MTUS2: variants seen among roughly 807,000 people sequenced by gnomAD.
The protein encoded by MTUS2 is microtubule associated scaffold protein 2.
A neutral mutation model predicts 114.1 loss-of-function variants in MTUS2; 40 were observed. That is an observed-to-expected ratio of 0.35 (90% CI 0.27 to 0.46). The LOEUF is 0.46. Ranked by LOEUF, MTUS2 falls within the 20% of genes least tolerant of loss-of-function variation. The pLI, the probability that MTUS2 is intolerant of heterozygous loss-of-function variation, is 1.00. For missense variants in MTUS2, 1,679 were observed against 1,705.4 expected (o/e 0.98, Z 0.27); for synonymous variants, 688 against 672.0 (o/e 1.02, Z -0.37).
intron 2 of MTUS2, among the ~76,000 whole-genome samples, chr13:28,933,221 G>A (rs1881716479): frequency 6.6e-6 from 1 of 151,990 alleles, no homozygotes; most frequent in Non-Finnish European, 1.5e-5. Context: ...GATTGTGAGG[G>A]CTGGCAAGTC....
chr13:29,034,821 A>G (rs1244135230), intron 4 of MTUS2, among the ~76,000 whole-genome samples: 4 of 152,232 alleles, frequency 2.6e-5, no homozygotes, highest in African/African-American at 9.6e-5. Flanking sequence ...TCCTTCACCA[A>G]GCTACCATTG....
intron 9 of MTUS2, among the ~76,000 whole-genome samples, chr13:29,473,835 T>C (rs751951143): frequency 2.0e-5 from 3 of 146,848 alleles, no homozygotes; most frequent in Admixed American, 1.4e-4. Context: ...TGCCTTTCAC[T>C]CTAAAGGATT....
At position 29,100,811 on chromosome 13, in the gene MTUS2, T is replaced by C. The variant is rs867066689; in HGVS notation, c.2485T>C (p.Ser829Pro). Residue 829 changes from serine to proline, a missense_variant, in exon 5 of 16, where the codon TCC (serine) becomes CCC (proline). Around this residue, in one of 3 missense-constraint regions of MTUS2, gnomAD observed 822 missense variants for 899.7 expected, o/e 0.91. Transcript: ENST00000612955. The stretch of plus-strand genomic sequence containing the variant: ...AGCTTCCAGTTCAAATGCTGCAAAA[T>C]CCAATCTCCCGAAATCTGGTCTCCG... ...KKASSSNAAK[S>P]NLPKSGLRPP... 1.5e-5 allele frequency: 23 copies of C among 1,551,658 alleles called. 3 individuals carry two copies. In the Admixed American group the frequency reaches 3.1e-4, roughly 21 times the overall value.
chr13:29,231,219 CATGTT>C (rs1372008994), intron 5 of MTUS2, among the ~76,000 whole-genome samples: 4 of 152,106 alleles, frequency 2.6e-5, no homozygotes, highest in African/African-American at 9.7e-5. Flanking sequence ...ATAATATAAA[CATGTT>C]ATGTTTTATA....
intron 5 of MTUS2, among the ~76,000 whole-genome samples, chr13:29,129,026 T>C (rs1372205936): frequency 2.0e-5 from 3 of 152,214 alleles, no homozygotes; most frequent in Non-Finnish European, 2.9e-5. Flanking sequence ...GCCCTAAATG[T>C]CGGGCCTTGT....
At chr13:29,122,349 G>A (rs1046531463) in intron 5 of MTUS2, among the ~76,000 whole-genome samples, 3 of 152,128 alleles carry the variant, frequency 2.0e-5, no homozygotes, top group Non-Finnish European at 2.9e-5. Context: ...ACAGTTCCAC[G>A]TGGCTGGAGA....
At chr13:29,324,840 T>TA (rs1900413910) in intron 7 of MTUS2, 129 bp downstream of exon 7, 1 of 680,920 alleles carries the variant, frequency 1.5e-6, no homozygotes, top group Admixed American at 2.6e-5. Context: ...TTGACATACA[T>TA]ATGCTGATGT....
chr13:29,405,111 G>A (rs1874655410), intron 8 of MTUS2, among the ~76,000 whole-genome samples: 1 of 152,058 alleles, frequency 6.6e-6, no homozygotes, highest in Non-Finnish European at 1.5e-5. Context: ...GCTTTCCTAT[G>A]CCCTGGAAAA....
At chr13:29,248,795 A>G (rs1037052283) in intron 5 of MTUS2, among the ~76,000 whole-genome samples, 1 of 152,178 alleles carries the variant, frequency 6.6e-6, no homozygotes, top group Non-Finnish European at 1.5e-5. Flanking sequence ...TGTTCCTGCA[A>G]AGGACATGAT....
At chr13:29,052,135 C>T (rs1042713324) in intron 4 of MTUS2, among the ~76,000 whole-genome samples, 1 of 152,128 alleles carries the variant, frequency 6.6e-6, no homozygotes, top group Non-Finnish European at 1.5e-5. Context: ...TGTAATTTTA[C>T]AAAATATTGT....
At position 29,273,368 on chromosome 13, in the gene MTUS2, G is replaced by T. The variant is rs1031066625; in HGVS notation, c.2645-8336G>T. Among the ~76,000 whole-genome samples, 3 of 152,310 alleles carry T rather than the reference G, an allele frequency of 2.0e-5. No homozygotes were observed. In the South Asian group the frequency reaches 6.2e-4, roughly 32 times the overall value. On this transcript the variant is annotated intron_variant, in intron 5 of 15. Transcript: ENST00000612955. ...CAGAAGACAGAACAACCCTGGGACAGATTGGTTGGAATCCACTGTAGTCAC... is the reference window on the plus strand; with the variant it reads ...CAGAAGACAGAACAACCCTGGGACATATTGGTTGGAATCCACTGTAGTCAC...
intron 8 of MTUS2, among the ~76,000 whole-genome samples, chr13:29,436,095 T>A (rs1877385758): frequency 6.6e-6 from 1 of 152,204 alleles, no homozygotes; most frequent in Admixed American, 6.5e-5. Flanking sequence ...GGGCATTCTT[T>A]CATTGAGACA....
chr13:29,450,684 G>C (rs1878621249), intron 9 of MTUS2, among the ~76,000 whole-genome samples: 1 of 152,106 alleles, frequency 6.6e-6, no homozygotes, highest in Admixed American at 6.5e-5. Context: ...GCTACATGCT[G>C]CCTAAAATAA....
chr13:29,011,370 A>G (rs749157990), intron 2 of MTUS2, among the ~76,000 whole-genome samples: 12 of 152,226 alleles, frequency 7.9e-5, no homozygotes, highest in Non-Finnish European at 1.5e-4. Context: ...CCCCCCTTGC[A>G]TTATAGATTG....
chr13:29,434,731 A>G (rs185793419), intron 8 of MTUS2, among the ~76,000 whole-genome samples: 3 of 152,372 alleles, frequency 2.0e-5, no homozygotes, highest in East Asian at 3.9e-4. Flanking sequence ...AGCATCAACC[A>G]TCAGAAGAGA....
At chr13:29,382,686 C>T (rs1872307836) in intron 8 of MTUS2, among the ~76,000 whole-genome samples, 1 of 152,226 alleles carries the variant, frequency 6.6e-6, no homozygotes, top group Non-Finnish European at 1.5e-5. Context: ...TTTAAGAAGT[C>T]ACTGAGCACC....
chr13:29,479,941 T>G (rs1881025353), intron 9 of MTUS2: 3 of 478,320 alleles, frequency 6.3e-6, no homozygotes. Flanking sequence ...CAGACCTCCA[T>G]GAGGCTGCAG....
rs528229408 is a variant in MTUS2, at chr13:29,499,969, G to A, written c.3799-1128G>A. 8.5e-5 allele frequency among the ~76,000 whole-genome samples: 13 copies of A among 152,350 alleles called. No individual in the cohort carries two copies. In the South Asian group the frequency reaches 2.3e-3, roughly 27 times the overall value. ...AGCTCAGGCCAGGCCTAGGGCTGGC[G>A]GGGAGCTACAGGACAGCGCCTGCCT... is the stretch of plus-strand genomic sequence containing the variant. On this transcript the variant is annotated intron_variant, in intron 14 of 15. Transcript: ENST00000612955.
At chr13:29,103,702 C>T (rs1454648954) in intron 5 of MTUS2, among the ~76,000 whole-genome samples, 8 of 152,232 alleles carry the variant, frequency 5.3e-5, no homozygotes, top group Non-Finnish European at 7.4e-5. Context: ...GTGGCTAAGA[C>T]GTCACTAGGC....
Sources: allele counts gnomAD v4.1 joint callset (sites outside exome capture counted in the v4.1 genomes callset), GRCh38; gene constraint gnomAD v4.1.1; regional missense constraint gnomAD v4.1.1; transcripts MANE v1.5; gene names NCBI Gene and HGNC (gene_info 2026-07-23, HGNC 2026-07-21).